Variants in PRKCB observed in about 807,000 individuals in gnomAD.
PRKCB encodes the protein protein kinase C beta.
Under a neutral mutation model 81.5 loss-of-function variants are expected in PRKCB, and 13 were observed. The ratio of observed to expected loss-of-function variants is 0.16; its 90% CI spans 0.10 to 0.25. PRKCB has a LOEUF of 0.25. Ranked by LOEUF, PRKCB falls within the 10% of genes least tolerant of loss-of-function variation. PRKCB has a pLI of 1.00. For missense variants in PRKCB, 509 were observed against 875.7 expected (o/e 0.58, Z 5.29); for synonymous variants, 335 against 321.4 (o/e 1.04, Z -0.45).
intron 2 of PRKCB, among the ~76,000 whole-genome samples, chr16:23,984,471 G>T (rs1567334819): frequency 6.6e-6 from 1 of 151,990 alleles, no homozygotes; most frequent in Non-Finnish European, 1.5e-5. Context: ...TACAATCACA[G>T]ACACACAGAA....
rs146020925 is a variant in PRKCB at position 24,214,963 on chromosome 16, C to G, written c.*147C>G. The G allele has an allele frequency of 1.4e-6, 2 of 1,473,230 alleles. No homozygotes were observed. Among genetic ancestry groups the G allele is most frequent in the Non-Finnish European group, 1.8e-6 (2 of 1,118,300 alleles). 91.3% of individuals were successfully genotyped at this position (1,473,230 alleles called of 1,614,324 possible). A position where few individuals can be genotyped will look rare whatever the true frequency, so the allele number is the denominator to read the frequency against. On this transcript the variant is annotated 3_prime_UTR_variant, in exon 17 of 17. Transcript: ENST00000643927. ...TGACAGTGTTTCAGAACCCAAATGT[C>G]CTCAGGTAGTTTGGAGCATCTCTAT...
intron 16 of PRKCB, among the ~76,000 whole-genome samples, chr16:24,205,703 G>A (rs973754824): frequency 6.6e-6 from 1 of 152,102 alleles, no homozygotes; most frequent in African/African-American, 2.4e-5. Context: ...TTGTCCATTT[G>A]ATTTTTTTTC....
intron 16 of PRKCB, among the ~76,000 whole-genome samples, chr16:24,209,005 G>A (rs1968092316): frequency 6.6e-6 from 1 of 152,168 alleles, no homozygotes; most frequent in Admixed American, 6.5e-5. Flanking sequence ...GCAGGAGGGA[G>A]TGGGGAGAGG....
At chr16:24,093,786 C>T (rs757167394) in intron 6 of PRKCB, among the ~76,000 whole-genome samples, 1 of 152,220 alleles carries the variant, frequency 6.6e-6, no homozygotes, top group Admixed American at 6.5e-5. Context: ...TGCATTTCCT[C>T]AGCCTCATTC....
chr16:23,920,926 C>A (rs960348909), intron 2 of PRKCB, among the ~76,000 whole-genome samples: 3 of 152,184 alleles, frequency 2.0e-5, no homozygotes, highest in African/African-American at 7.2e-5. Context: ...CTCACAGTTC[C>A]ACATGGCTGG....
intron 2 of PRKCB, among the ~76,000 whole-genome samples, chr16:23,946,077 G>A (rs1329921404): frequency 2.6e-5 from 4 of 152,168 alleles, no homozygotes; most frequent in Admixed American, 2.0e-4. Flanking sequence ...CATTGCAGGT[G>A]GGGAAGCCAA....
chr16:23,958,020 C>T (rs145368156), intron 2 of PRKCB, among the ~76,000 whole-genome samples: 2,526 of 152,312 alleles, frequency 0.017, 58 homozygotes, highest in Non-Finnish European at 0.02. Context: ...GAGACAGAAT[C>T]TCACTCTGTT....
At position 24,218,419 on chromosome 16, in the gene PRKCB, G is replaced by T; in HGVS notation, c.*3603G>T. On this transcript the variant is annotated 3_prime_UTR_variant, in exon 17 of 17. Transcript: ENST00000643927. ...GGGCAGGTGGGACATGGTAGAGATG[G>T]ACCCTACCCAGGAAACAGCTCCATC... The T allele has an allele frequency of 1.0e-6, 1 of 985,314 alleles. No homozygotes were observed. The highest frequency in any genetic ancestry group is 1.2e-6 in the Non-Finnish European group (1 of 829,956). 61.0% of individuals were successfully genotyped at this position (985,314 alleles called of 1,614,324 possible).
intron 5 of PRKCB, among the ~76,000 whole-genome samples, chr16:24,040,008 G>A (rs1366934372): frequency 2.0e-5 from 3 of 152,204 alleles, no homozygotes; most frequent in Non-Finnish European, 2.9e-5. Context: ...AGCATGGTCA[G>A]TATTAGGATT....
intron 2 of PRKCB, among the ~76,000 whole-genome samples, chr16:23,857,313 A>T (rs533486084): frequency 1.3e-5 from 2 of 152,036 alleles, no homozygotes; most frequent in Admixed American, 1.3e-4. Context: ...ATCCTGGGGG[A>T]TAATGTGGGT....
At chr16:23,907,385 C>T (rs1963576628) in intron 2 of PRKCB, among the ~76,000 whole-genome samples, 1 of 152,238 alleles carries the variant, frequency 6.6e-6, no homozygotes, top group South Asian at 2.1e-4. Context: ...AAGCCATCCT[C>T]CTGCCTCAGC....
At chr16:24,013,382 A>G (rs1965231268) in intron 3 of PRKCB, among the ~76,000 whole-genome samples, 1 of 152,218 alleles carries the variant, frequency 6.6e-6, no homozygotes, top group Non-Finnish European at 1.5e-5. Context: ...CATGGTGACA[A>G]AGAACCCAGA....
At chr16:24,202,458 A>T (rs950830210) in intron 16 of PRKCB, among the ~76,000 whole-genome samples, 2 of 152,160 alleles carry the variant, frequency 1.3e-5, no homozygotes, top group Non-Finnish European at 2.9e-5. Context: ...TGACCTCACC[A>T]TATTATTAGG....
intron 2 of PRKCB, among the ~76,000 whole-genome samples, chr16:23,915,891 A>G (rs1422986079): frequency 6.6e-6 from 1 of 152,098 alleles, no homozygotes; most frequent in Non-Finnish European, 1.5e-5. Context: ...ATGTTTTAGC[A>G]TATTTTAATC....
chr16:24,024,616 A>G (rs1318005708), intron 3 of PRKCB, among the ~76,000 whole-genome samples: 2 of 152,232 alleles, frequency 1.3e-5, no homozygotes, highest in Non-Finnish European at 2.9e-5. Flanking sequence ...TAATTTGTCA[A>G]TCAAATATAA....
intron 9 of PRKCB, among the ~76,000 whole-genome samples, chr16:24,138,479 A>G (rs1262473009): frequency 6.6e-6 from 1 of 152,246 alleles, no homozygotes; most frequent in African/African-American, 2.4e-5. Context: ...TTAACTATCC[A>G]GCTTTGTCAA....
intron 9 of PRKCB, chr16:24,151,854 G>A (rs1967084350): frequency 2.2e-6 from 1 of 455,716 alleles, no homozygotes; most frequent in African/African-American, 2.0e-5. Context: ...TACGAAATGG[G>A]GGTAATTGAC....
At chr16:24,198,997 C>A (rs748759807) in intron 16 of PRKCB, among the ~76,000 whole-genome samples, 7 of 152,194 alleles carry the variant, frequency 4.6e-5, no homozygotes, top group Non-Finnish European at 8.8e-5. Context: ...CAGACTGATT[C>A]CAATCATTTC....
At chr16:24,093,640 CT>C (rs1403706373) in intron 6 of PRKCB, among the ~76,000 whole-genome samples, 2 of 152,118 alleles carry the variant, frequency 1.3e-5, no homozygotes, top group African/African-American at 4.8e-5. Flanking sequence ...AGCGGTCATA[CT>C]TTTTTAGCCA....
Sources: allele counts gnomAD v4.1 joint callset (sites outside exome capture counted in the v4.1 genomes callset), GRCh38; gene constraint gnomAD v4.1.1; transcripts MANE v1.5; gene names NCBI Gene and HGNC (gene_info 2026-07-23, HGNC 2026-07-21).